RHOU: variants seen among roughly 807,000 people sequenced by gnomAD.
RHOU encodes the protein ras homolog family member U, also known as rho-related GTP-binding protein RhoU.
Under a neutral mutation model 12.6 loss-of-function variants are expected in RHOU, and 8 were observed. The observed-to-expected ratio is 0.64, with a 90% CI of 0.37 to 1.15. RHOU has a LOEUF of 1.15. Among genes scored for constraint, RHOU ranks in the 50% most tolerant of loss-of-function variants. The pLI is 0.01. For missense variants in RHOU, 258 were observed against 347.0 expected (o/e 0.74, Z 2.04); for synonymous variants, 161 against 147.4 (o/e 1.09, Z -0.67).
At chr1:228,733,210 C>T (rs149140108), upstream of RHOU, among the ~76,000 whole-genome samples, 161 of 152,328 alleles carry the variant, frequency 1.1e-3, 1 homozygote, top group African/African-American at 3.6e-3. Flanking sequence ...AGTGTATCTG[C>T]TGCATTTAGA....
At chr1:228,683,135 C>T in the RHOU span, among the ~76,000 whole-genome samples, 3 of 149,712 alleles carry the variant, frequency 2.0e-5, no homozygotes, top group African/African-American at 7.7e-5. Context: ...GAGTCAACTA[C>T]ACCTGACAGA....
the RHOU span, among the ~76,000 whole-genome samples, chr1:228,684,474 G>A: frequency 6.7e-6 from 1 of 149,642 alleles, no homozygotes; most frequent in East Asian, 1.9e-4. Context: ...GACTACAGGC[G>A]TGCACCACCA....
chr1:228,673,258 C>G, the RHOU span, among the ~76,000 whole-genome samples: 1 of 152,108 alleles, frequency 6.6e-6, no homozygotes, highest in African/African-American at 2.4e-5. Context: ...ATTAGTTTTG[C>G]TTGTTCTTGA....
chr1:228,673,364 A>G, the RHOU span, among the ~76,000 whole-genome samples: 2 of 152,168 alleles, frequency 1.3e-5, no homozygotes, highest in Admixed American at 1.3e-4. Flanking sequence ...TTGCAGTTGT[A>G]AGTTGGTTTA....
At chr1:228,665,838 C>T in the RHOU span, among the ~76,000 whole-genome samples, 2 of 152,122 alleles carry the variant, frequency 1.3e-5, no homozygotes, top group Admixed American at 1.3e-4. Context: ...TACCTTCTAC[C>T]CTGGGAGAAA....
chr1:228,689,865 G>A, the RHOU span, among the ~76,000 whole-genome samples: 1 of 151,988 alleles, frequency 6.6e-6, no homozygotes, highest in Non-Finnish European at 1.5e-5. Flanking sequence ...CAACAAAAAT[G>A]TTGGGAACCA....
At chr1:228,648,539 C>A in the RHOU span, among the ~76,000 whole-genome samples, 1 of 152,130 alleles carries the variant, frequency 6.6e-6, no homozygotes, top group African/African-American at 2.4e-5. Flanking sequence ...CTTGCAAGAC[C>A]CTCTCTTGCT....
At chr1:228,727,771 G>A in the RHOU span, among the ~76,000 whole-genome samples, 78 of 152,296 alleles carry the variant, frequency 5.1e-4, 1 homozygote, top group South Asian at 7.0e-3. Flanking sequence ...TTCTAGAACT[G>A]CTGGCCAGGG....
upstream of RHOU, among the ~76,000 whole-genome samples, chr1:228,734,197 T>G (rs1227651791): frequency 6.6e-6 from 1 of 152,158 alleles, no homozygotes; most frequent in Non-Finnish European, 1.5e-5. Context: ...ATACTTTTTT[T>G]TTTTTCAAAA....
At chr1:228,735,422 AGCCCGCCC>A (rs1662575921), upstream of RHOU, 1 of 180,302 alleles carries the variant, frequency 5.5e-6, no homozygotes, top group Admixed American at 6.2e-5. The surrounding 1 kb of genome is among the most constrained non-coding windows in gnomAD (Gnocchi z 8.1). Context: ...CCTCCCCGCC[AGCCCGCCC>A]GCCTGCCCGC....
chr1:228,669,302 C>T, the RHOU span, among the ~76,000 whole-genome samples: 2 of 152,272 alleles, frequency 1.3e-5, no homozygotes, highest in South Asian at 4.2e-4. Context: ...GCTGCTTCCT[C>T]CCTCCACTAG....
the RHOU span, among the ~76,000 whole-genome samples, chr1:228,662,315 C>T: frequency 2.3e-3 from 348 of 152,242 alleles, 1 homozygote; most frequent in Middle Eastern, 0.01. Flanking sequence ...TTTGACCCAG[C>T]GATCCCATTA....
chr1:228,660,446 G>T, the RHOU span, among the ~76,000 whole-genome samples: 1 of 151,672 alleles, frequency 6.6e-6, no homozygotes, highest in African/African-American at 2.4e-5. Context: ...AACTTGAAGA[G>T]GAGGGAGTAC....
the RHOU span, chr1:228,687,575 G>T: frequency 1.9e-6 from 3 of 1,551,600 alleles, no homozygotes; most frequent in South Asian, 1.1e-5. Flanking sequence ...GGCTGAATGC[G>T]ATGGAGTGTG....
At chr1:228,701,439 A>AT in the RHOU span, among the ~76,000 whole-genome samples, 1 of 151,842 alleles carries the variant, frequency 6.6e-6, no homozygotes, top group Non-Finnish European at 1.5e-5. Context: ...TTGCTGTCTC[A>AT]TTTTTTTTGA....
At chr1:228,701,789 G>A in the RHOU span, among the ~76,000 whole-genome samples, 3 of 151,054 alleles carry the variant, frequency 2.0e-5, no homozygotes, top group Non-Finnish European at 4.4e-5. Context: ...CAACAGCTAT[G>A]TATTTGTATT....
the RHOU span, among the ~76,000 whole-genome samples, chr1:228,649,595 A>C: frequency 6.6e-6 from 1 of 152,234 alleles, no homozygotes; most frequent in Non-Finnish European, 1.5e-5. Context: ...CTATTAATTC[A>C]CAGTGACATT....
Position 228,738,863 on chromosome 1 carries a change from C to T in RHOU, c.321+1132C>T, listed in dbSNP as rs1164087496. On this transcript the variant is annotated intron_variant, in intron 2 of 2. Coordinates refer to ENST00000366691, the MANE Select transcript of RHOU (RefSeq NM_021205.6). The surrounding 1 kb of genome is among the most constrained non-coding windows in gnomAD (Gnocchi z 4.2). ...ACAAAAATCAGGCTGGGTGTGGTGG[C>T]TCATGCTCTTTGGGAGGCTGAGGTG... Among the ~76,000 whole-genome samples, 4 of 152,144 alleles carry T rather than the reference C, an allele frequency of 2.6e-5. No homozygotes were observed. The highest frequency in any genetic ancestry group is 1.9e-4 in the East Asian group (1 of 5,182).
chr1:228,702,890 T>C, the RHOU span, among the ~76,000 whole-genome samples: 4 of 152,204 alleles, frequency 2.6e-5, no homozygotes, highest in Non-Finnish European at 4.4e-5. Flanking sequence ...ATTCATACTA[T>C]CAGTCTTAGA....
Sources: allele counts gnomAD v4.1 joint callset (sites outside exome capture counted in the v4.1 genomes callset), GRCh38; gene constraint gnomAD v4.1.1; non-coding constraint Gnocchi (gnomAD v3.1); transcripts MANE v1.5; gene names NCBI Gene and HGNC (gene_info 2026-07-23, HGNC 2026-07-21).